Variants in WDR81 observed in about 807,000 individuals in gnomAD.
WDR81 encodes the protein WD repeat domain 81.
In WDR81, 92 loss-of-function variants were observed where a neutral mutation model predicts 140.8. The ratio of observed to expected loss-of-function variants is 0.65; its 90% CI spans 0.55 to 0.78. WDR81 has a LOEUF of 0.78. WDR81 is among the 30% of genes least tolerant of loss of function. The pLI is 0.00. For synonymous variants in WDR81, 1,183 were observed against 1,156.4 expected (o/e 1.02, Z -0.47); for missense variants, 2,502 against 2,636.4 (o/e 0.95, Z 1.12).
intron 1 of WDR81, 144 bp downstream of exon 1, chr17:1,728,770 G>A: frequency 3.5e-6 from 4 of 1,133,690 alleles, no homozygotes; most frequent in Non-Finnish European, 4.6e-6. Context: ...CTAATAACAA[G>A]GTGAAACCCC....
In WDR81 at chr17:1,725,119, G is replaced by A. The variant is rs951765521; in HGVS notation, c.160G>A (p.Val54Met). 1.3e-6 allele frequency: 2 copies of A among 1,520,452 alleles called. No homozygotes were observed. Among genetic ancestry groups the A allele is most frequent in the Non-Finnish European group, 1.8e-6 (2 of 1,135,700 alleles). The allele number at this position is 1,520,452 out of a possible 1,614,324, so 94.2% of individuals were successfully genotyped here. The change falls in exon 1 of 10, where the codon GTG becomes ATG. Residue 54 changes from valine to methionine, a missense_variant. Around this residue, in one of 3 missense-constraint regions of WDR81, gnomAD observed 547 missense variants for 513.8 expected, o/e 1.06. Transcript: ENST00000409644. ...GGCTCCGGCCCCGGGGGGCACCCAC[G>A]TGGTGGCCCTAGTGCCTGCGCGCTG... is the stretch of plus-strand genomic sequence containing the variant. ...QLAPAPGGTH[V>M]VALVPARWLA...
intron 4 of WDR81, among the ~76,000 whole-genome samples, chr17:1,731,706 C>T (rs892490379): frequency 7.3e-5 from 11 of 150,998 alleles, no homozygotes; most frequent in Non-Finnish European, 1.6e-4. Flanking sequence ...GTTTGAGACC[C>T]ACCTGGCCAA....
Position 1,730,650 on chromosome 17 carries a change from G to A in WDR81, c.3776-105G>A, listed in dbSNP as rs1013803869. 2.2e-5 allele frequency: 32 copies of A among 1,449,618 alleles called. No homozygotes were observed. The East Asian group carries it at 7.4e-4, about 34-fold the overall frequency. The allele number at this position is 1,449,618 out of a possible 1,614,324, so 89.8% of individuals were successfully genotyped here. A position where few individuals can be genotyped will look rare whatever the true frequency, so the allele number is the denominator to read the frequency against. ...TGCCAGCCTTGGGTAGGGCCAGGCT[G>A]GGCCCCCAGCTAGAGTGAGCTCAAG... On this transcript the variant is annotated intron_variant, in intron 2 of 9. Coordinates refer to ENST00000409644, the MANE Select transcript of WDR81 (RefSeq NM_001163809.2).
rs772164633 is a variant in WDR81 at position 1,725,259 on chromosome 17, C to G, written c.300C>G (p.Ala100=). 2 of 1,544,154 alleles carry G rather than the reference C, an allele frequency of 1.3e-6. No individual in the cohort carries two copies. Among genetic ancestry groups the G allele is most frequent in the South Asian group, 1.2e-5 (1 of 84,070 alleles). Residue 100 remains alanine (A), a synonymous_variant, in exon 1 of 10, where the codon GCC becomes GCG. Transcript: ENST00000409644. ...LLQRSVQRLP[A]GWTRVEVHGL... ...AGCGCTCTGTGCAAAGGCTGCCTGC[C>G]GGCTGGACGCGCGTGGAGGTGCATG...
chr17:1,723,642 C>G (rs1266451659), upstream of WDR81, among the ~76,000 whole-genome samples: 1 of 151,882 alleles, frequency 6.6e-6, no homozygotes, highest in Non-Finnish European at 1.5e-5. Context: ...CCCCCCACCA[C>G]GGCCAGGTAA....
rs1486973857 is a variant in WDR81 at position 1,733,570 on chromosome 17, G to C, written c.4533G>C (p.Gly1511=). ...TCATCCCCAACCACGAGCTGGTTGGGGAGCTGGCGGCGCTGTACTTGGAGA... is the reference window on the plus strand; with the variant it reads ...TCATCCCCAACCACGAGCTGGTTGGCGAGCTGGCGGCGCTGTACTTGGAGA... The part of the protein sequence containing the change: ...RKIIPNHELV[G]ELAALYLESI... The change falls in exon 7 of 10, where the codon GGG becomes GGC. Residue 1511 remains glycine (G), a synonymous_variant. Coordinates refer to ENST00000409644, the MANE Select transcript of WDR81 (RefSeq NM_001163809.2). 6.6e-7 allele frequency: 1 copy of C among 1,525,470 alleles called. No individual in the cohort carries two copies. Among genetic ancestry groups the C allele is most frequent in the South Asian group, 1.3e-5 (1 of 77,106 alleles). 94.5% of individuals were successfully genotyped at this position (1,525,470 alleles called of 1,614,324 possible).
rs2151171576 is a variant in WDR81, at chr17:1,732,385, C to T, written c.4218C>T (p.Ala1406=). Residue 1406 remains alanine (A), a synonymous_variant, in exon 5 of 10, where the codon GCC becomes GCT. Transcript: ENST00000409644. ...GTGTGAAAACCATCAGCCTCATCGC[C>T]CTCATCTGCCTGCGCATTGGACAGG... ...ILCVKTISLI[A]LICLRIGQEM... is the part of the protein sequence containing the mutation. The T allele has an allele frequency of 6.2e-7, 1 of 1,613,708 alleles. No homozygotes were observed. The highest frequency in any genetic ancestry group is 8.5e-7 in the Non-Finnish European group (1 of 1,180,036).
intron 1 of WDR81, among the ~76,000 whole-genome samples, chr17:1,718,458 G>A (rs888338573): frequency 1.3e-5 from 2 of 152,218 alleles, no homozygotes; most frequent in Non-Finnish European, 2.9e-5. Flanking sequence ...GCTGCCACCT[G>A]GTCCCTGGGC....
At chr17:1,717,422 G>C (rs985399538) in intron 1 of WDR81, among the ~76,000 whole-genome samples, 1 of 152,220 alleles carries the variant, frequency 6.6e-6, no homozygotes, top group Non-Finnish European at 1.5e-5. Context: ...AATAGGGGCT[G>C]AGGGTAACTA....
Position 1,737,969 on chromosome 17 carries a change from T to G in WDR81, c.*284T>G. 6 of 531,864 alleles carry G rather than the reference T, an allele frequency of 1.1e-5. No individual in the cohort carries two copies. Among genetic ancestry groups the G allele is most frequent in the Non-Finnish European group, 2.0e-5 (6 of 297,494 alleles). The allele number at this position is 531,864 out of a possible 1,614,324, so 32.9% of individuals were successfully genotyped here. On this transcript the variant is annotated 3_prime_UTR_variant, in exon 10 of 10. Transcript: ENST00000409644. The stretch of plus-strand genomic sequence containing the variant: ...CAGGAGGAAGCGTTGCTACCTTCAC[T>G]TCTCCCCAGCTCTGCCCTCTGGGTC...
chr17:1,724,264 C>T (rs369814505), upstream of WDR81, among the ~76,000 whole-genome samples: 3 of 152,108 alleles, frequency 2.0e-5, no homozygotes, highest in Admixed American at 1.3e-4. Context: ...CTCGGGAGGC[C>T]GAGGCAAGAG....
At position 1,728,067 on chromosome 17, in the gene WDR81, G is replaced by A; in HGVS notation, c.3108G>A (p.Leu1036=). Residue 1036 remains leucine, a synonymous_variant, in exon 1 of 10, where the codon CTG becomes CTA. Coordinates refer to ENST00000409644, the MANE Select transcript of WDR81 (RefSeq NM_001163809.2). ...AGAAEEEESG[L]PGAGPGSCAF... ...CTGCTGAGGAGGAGGAGAGCGGGCT[G>A]CCCGGGGCCGGGCCTGGCTCCTGTG... The A allele has an allele frequency of 6.3e-7, 1 of 1,581,830 alleles. No individual in the cohort carries two copies. The highest frequency in any genetic ancestry group is 8.6e-7 in the Non-Finnish European group (1 of 1,164,780).
chr17:1,729,217 C>T (rs1034426793), intron 1 of WDR81, among the ~76,000 whole-genome samples: 26 of 152,202 alleles, frequency 1.7e-4, no homozygotes, highest in Non-Finnish European at 3.2e-4. Context: ...CCGTGGCTCA[C>T]GCCTCTAATC....
At chr17:1,734,483 G>A (rs12051752) in intron 7 of WDR81, among the ~76,000 whole-genome samples, 13 of 152,184 alleles carry the variant, frequency 8.5e-5, no homozygotes, top group South Asian at 8.3e-4. Flanking sequence ...AAAAACTGGC[G>A]TAGAAGATAA....
intron 1 of WDR81, among the ~76,000 whole-genome samples, chr17:1,718,881 T>G (rs1914723980): frequency 6.6e-6 from 1 of 152,156 alleles, no homozygotes; most frequent in African/African-American, 2.4e-5. Flanking sequence ...AGCACAGGCT[T>G]CGAGTCCAGG....
chr17:1,721,068 A>G (rs1266578033), upstream of WDR81, among the ~76,000 whole-genome samples: 1 of 152,244 alleles, frequency 6.6e-6, no homozygotes, highest in African/African-American at 2.4e-5. Flanking sequence ...AGGTGGACCC[A>G]GCCAGCTCTA....
At chr17:1,720,088 C>G (rs753196183), upstream of WDR81, among the ~76,000 whole-genome samples, 26 of 152,306 alleles carry the variant, frequency 1.7e-4, no homozygotes, top group Non-Finnish European at 3.2e-4. Context: ...TAGAAAACAC[C>G]TAGCATAGTA....
rs552080592 is a variant in WDR81, at chr17:1,737,312, A to C, written c.5506-53A>C. 5.2e-6 allele frequency: 8 copies of C among 1,525,392 alleles called. No individual in the cohort carries two copies. The South Asian group carries it at 1.0e-4, about 20-fold the overall frequency. 94.5% of individuals were successfully genotyped at this position (1,525,392 alleles called of 1,614,324 possible). A position where few individuals can be genotyped will look rare whatever the true frequency, so the allele number is the denominator to read the frequency against. On this transcript the variant is annotated intron_variant, in intron 9 of 9. Transcript: ENST00000409644. ...GGAACTGGGAAGGCCTTGGGGCCCAAGGGTATGCAGAAGGACCCAGGCTCC... is the reference window on the plus strand; with the variant it reads ...GGAACTGGGAAGGCCTTGGGGCCCACGGGTATGCAGAAGGACCCAGGCTCC...
chr17:1,731,239 C>T lies in WDR81; in HGVS notation c.4138C>T (p.Leu1380Phe). ...GGTCCTGCTGCCCGTGCTCAGCTTC[C>T]TCACCTCCCTCGTCACGGGGTAGGC... is the stretch of plus-strand genomic sequence containing the variant. ...HEVLLPVLSF[L>F]TSLVTGFPSG... Residue 1380 changes from leucine to phenylalanine, a missense_variant, in exon 4 of 10, where the codon CTC (leucine) becomes TTC (phenylalanine). By Grantham distance (22) the Leu-to-Phe change is conservative. This residue lies in a region of WDR81 where 1,737 missense variants were observed against 1,843.0 expected (regional missense o/e 0.94). Transcript: ENST00000409644. 6.2e-7 allele frequency: 1 copy of T among 1,613,456 alleles called. No homozygotes were observed. Among genetic ancestry groups the T allele is most frequent in the South Asian group, 1.1e-5 (1 of 91,068 alleles).
Sources: allele counts gnomAD v4.1 joint callset (sites outside exome capture counted in the v4.1 genomes callset), GRCh38; gene constraint gnomAD v4.1.1; regional missense constraint gnomAD v4.1.1; transcripts MANE v1.5; gene names NCBI Gene and HGNC (gene_info 2026-07-23, HGNC 2026-07-21).